The following MKI67 variants were observed in gnomAD, a reference collection of about 807,000 sequenced individuals.
MKI67 encodes proliferation marker protein Ki-67.
A neutral mutation model predicts 233.5 loss-of-function variants in MKI67; 152 were observed. The ratio of observed to expected loss-of-function variants is 0.65; its 90% confidence interval spans 0.57 to 0.74. MKI67 has a LOEUF of 0.74. MKI67 is among the 30% of genes least tolerant of loss of function. MKI67 has a pLI of 0.00. For synonymous variants in MKI67, 1,465 were observed against 1,418.5 expected (o/e 1.03, Z -0.74); for missense variants, 3,940 against 3,885.2 (o/e 1.01, Z -0.37).
Position 128,115,460 on chromosome 10 carries a change from G to C in MKI67, c.948C>G (p.Asn316Lys). Residue 316 changes from asparagine to lysine, a missense_variant, in exon 7 of 15, where the codon AAC becomes AAG. Physicochemically the swap from Asn to Lys is moderately conservative, Grantham distance 94. Transcript: ENST00000368654. ...ACTCCACGTCTCTTCCCTTCCCCTT[G>C]TTCTGGTCAAGCTCTTGTTCAGGTG... ...PASPEQELDQ[N>K]KGKGRDVESV... is the part of the protein sequence containing the mutation. 1.9e-6 allele frequency: 3 copies of C among 1,613,814 alleles called. No homozygotes were observed. The highest frequency in any genetic ancestry group is 2.5e-6 in the Non-Finnish European group (3 of 1,179,932).
intron 13 of MKI67, 63 bp downstream of exon 13, chr10:128,102,516 A>T: frequency 1.3e-6 from 2 of 1,563,746 alleles, no homozygotes; most frequent in Non-Finnish European, 8.7e-7. Flanking sequence ...CATGCAAAGT[A>T]TAACACAGAA....
chr10:128,123,087 T>C lies in MKI67; in HGVS notation c.171+4A>G, dbSNP rs758899335. The stretch of plus-strand genomic sequence containing the variant: ...AAAAGTAGATCTTCAAAAAACCCAC[T>C]CACCTCCTGCTCATGGATTTCAATT... On this transcript the variant is annotated splice_donor_region_variant and intron_variant, in intron 3 of 14. Coordinates refer to ENST00000368654, the MANE Select transcript of MKI67 (RefSeq NM_002417.5). 1 of 1,612,674 alleles carries C rather than the reference T, an allele frequency of 6.2e-7. No homozygotes were observed. The highest frequency in any genetic ancestry group is 8.5e-7 in the Non-Finnish European group (1 of 1,178,826).
At position 128,109,058 on chromosome 10, in the gene MKI67, GTCTT is replaced by G. The variant is rs758314734; in HGVS notation, c.2778_2781del (p.Glu926AspfsTer12). The stretch of plus-strand genomic sequence containing the variant: ...ATATTTTCCTTATATGTCTCAAAAG[GTCTT>G]TCTATTTCCTTCATCTCTCCTTCTC... On this transcript the variant is annotated frameshift_variant, in exon 13 of 15. Transcript: ENST00000368654. LOFTEE classifies it high-confidence loss of function. 6 of 1,613,986 alleles carry G rather than the reference GTCTT, an allele frequency of 3.7e-6. No individual in the cohort carries two copies. The highest frequency in any genetic ancestry group is 1.1e-5 in the South Asian group (1 of 91,090).
In MKI67 at chr10:128,107,844, C is replaced by T; in HGVS notation, c.3996G>A (p.Arg1332=). The T allele has an allele frequency of 1.9e-6, 3 of 1,613,118 alleles. No individual in the cohort carries two copies. The African/African-American group carries it at 4.0e-5, about 22-fold the overall frequency. ...LTENLTGSKR[R]PQTPKEEAQA... ...GGGCCTCTTCCTTAGGAGTTTGTGG[C>T]CGTCTCTTGCTGCCGGTTAAGTTCT... is the stretch of plus-strand genomic sequence containing the variant. The change falls in exon 13 of 15, where the codon CGG becomes CGA. Residue 1332 remains arginine, a synonymous_variant. Coordinates refer to ENST00000368654, the MANE Select transcript of MKI67 (RefSeq NM_002417.5).
At chr10:128,101,855 G>A (rs1312003912) in intron 13 of MKI67, among the ~76,000 whole-genome samples, 154 bp from the exon 14 acceptor site, 1 of 152,196 alleles carries the variant, frequency 6.6e-6, no homozygotes, top group Non-Finnish European at 1.5e-5. Context: ...ATCTAGGATA[G>A]TCAAGGTAAT....
chr10:128,101,111 TAG>T (rs1237104545), intron 14 of MKI67, 145 bp downstream of exon 14: 3 of 727,840 alleles, frequency 4.1e-6, no homozygotes, highest in African/African-American at 1.8e-5. Flanking sequence ...ATTTATGTCT[TAG>T]CATAATGCTC....
chr10:128,105,154 A>T lies in MKI67; in HGVS notation c.6686T>A (p.Val2229Glu). 1.9e-6 allele frequency: 3 copies of T among 1,612,702 alleles called. No homozygotes were observed. Among genetic ancestry groups the T allele is most frequent in the Non-Finnish European group, 2.5e-6 (3 of 1,179,770 alleles). The change falls in exon 13 of 15, where the codon GTG becomes GAG. Residue 2229 changes from valine to glutamate, a missense_variant. Physicochemically the swap from Val to Glu is moderately radical, Grantham distance 121. Transcript: ENST00000368654. ...IACRSPQPDP[V>E]GTPTIFKPQS... ...TGGCTTGAAGATTGTTGGGGTACCC[A>T]CTGGGTCTGGTTGTGGAGATCTGCA...
At position 128,105,704 on chromosome 10, in the gene MKI67, CA is replaced by C. The variant is rs1207665039; in HGVS notation, c.6135del (p.Ala2046GlnfsTer28). The C allele has an allele frequency of 6.2e-7, 1 of 1,614,020 alleles. No individual in the cohort carries two copies. The highest frequency in any genetic ancestry group is 2.2e-5 in the East Asian group (1 of 44,882). ...TTTGCTGGGTCCAGCATCTGCTTTG[CA>C]GATTCCTTAAACGCTTTGATGCTCT... is the stretch of plus-strand genomic sequence containing the variant. ...DGKSIKAFKE[S>X]AKQMLDPANY... On this transcript the variant is annotated frameshift_variant, in exon 13 of 15. Transcript: ENST00000368654. LOFTEE classifies it high-confidence loss of function.
Position 128,103,123 on chromosome 10 carries a change from C to A in MKI67, c.8717G>T (p.Arg2906Ile), listed in dbSNP as rs1210229203. ...EDVIGSRRQP[R>I]APKEKAQPLE... Reference sequence around the variant, plus strand: ...GGGTTGGGCCTTTTCCTTAGGTGCTCTTGGCTGTCTCCTGCTGCCAATTAC... The same window carrying A: ...GGGTTGGGCCTTTTCCTTAGGTGCTATTGGCTGTCTCCTGCTGCCAATTAC... The change falls in exon 13 of 15, where the codon AGA becomes ATA. Residue 2906 changes from arginine (R) to isoleucine (I), a missense_variant. By Grantham distance (97) the Arg-to-Ile change is moderately conservative. Transcript: ENST00000368654. 6.2e-7 allele frequency: 1 copy of A among 1,614,110 alleles called. No homozygotes were observed. The highest frequency in any genetic ancestry group is 8.5e-7 in the Non-Finnish European group (1 of 1,180,048).
At position 128,104,719 on chromosome 10, in the gene MKI67, A is replaced by C. The variant is rs928145948; in HGVS notation, c.7121T>G (p.Leu2374Ter). 1 of 1,613,796 alleles carries C rather than the reference A, an allele frequency of 6.2e-7. No individual in the cohort carries two copies. The highest frequency in any genetic ancestry group is 8.5e-7 in the Non-Finnish European group (1 of 1,180,000). Reference protein sequence around the residue: ...LRKADVEEEFLALRKRTPSAG... With the variant: ...LRKADVEEEF The stretch of plus-strand genomic sequence containing the variant: ...TGATGGTGTTCGTTTCCTGAGTGCT[A>C]AAAATTCTTCCTCTACGTCTGCTTT... The change falls in exon 13 of 15, where the codon TTA (leucine) becomes TGA (stop). Residue 2374 changes from leucine to a stop codon, truncating the protein, a stop_gained. Coordinates refer to ENST00000368654, the MANE Select transcript of MKI67 (RefSeq NM_002417.5). LOFTEE classifies it high-confidence loss of function.
intron 13 of MKI67, 137 bp downstream of exon 13, chr10:128,102,442 T>G: frequency 9.6e-7 from 1 of 1,040,488 alleles, no homozygotes; most frequent in Non-Finnish European, 1.4e-6. Flanking sequence ...TACCATGGCC[T>G]GCAGTTATTC....
Position 128,108,802 on chromosome 10 carries a change from T to C in MKI67, c.3038A>G (p.Glu1013Gly). 6 of 1,614,192 alleles carry C rather than the reference T, an allele frequency of 3.7e-6. No individual in the cohort carries two copies. Among genetic ancestry groups the C allele is most frequent in the Non-Finnish European group, 5.1e-6 (6 of 1,180,038 alleles). Reference protein sequence around the residue: ...TKMPCQSLQPEPINTPTHTKQ... With the variant: ...TKMPCQSLQPGPINTPTHTKQ... ...TGTGTGTGTTGGGGTGTTTATTGGTTCTGGTTGTAATGACTGGCAGGGCAT... is the reference window on the plus strand; with the variant it reads ...TGTGTGTGTTGGGGTGTTTATTGGTCCTGGTTGTAATGACTGGCAGGGCAT... Residue 1013 changes from glutamate to glycine, a missense_variant, in exon 13 of 15, where the codon GAA (glutamate) becomes GGA (glycine). Transcript: ENST00000368654.
intron 5 of MKI67, among the ~76,000 whole-genome samples, chr10:128,117,427 C>T (rs1590315714): frequency 6.6e-6 from 1 of 152,234 alleles, no homozygotes; most frequent in Non-Finnish European, 1.5e-5. Context: ...TGGGAGCAGG[C>T]GCAGCGCCCC....
At position 128,125,096 on chromosome 10, in the gene MKI67, A is replaced by T. The variant is rs1415291837; in HGVS notation, c.92+480T>A. On this transcript the variant is annotated intron_variant, in intron 2 of 14. Coordinates refer to ENST00000368654, the MANE Select transcript of MKI67 (RefSeq NM_002417.5). The surrounding 1 kb of genome is among the most constrained non-coding windows in gnomAD (Gnocchi z 5.3). ...GACAGGGTTATTACCACCACCAAAC[A>T]GGACAGCAATATAAGAGGAAACGTT... Among the ~76,000 whole-genome samples the T allele has an allele frequency of 6.6e-6, 1 of 152,212 alleles. No homozygotes were observed. Among genetic ancestry groups the T allele is most frequent in the African/African-American group, 2.4e-5 (1 of 41,458 alleles).
intron 5 of MKI67, among the ~76,000 whole-genome samples, chr10:128,117,433 G>GC (rs1852831793): frequency 6.6e-6 from 1 of 152,204 alleles, no homozygotes. Flanking sequence ...CAGGCGCAGC[G>GC]CCCCCACCTG....
At chr10:128,114,253 C>T (rs971612923) in intron 7 of MKI67, among the ~76,000 whole-genome samples, 1 of 152,192 alleles carries the variant, frequency 6.6e-6, no homozygotes, top group East Asian at 1.9e-4. Context: ...AATAGCCAGT[C>T]CCTAGGAGTG....
At chr10:128,120,400 G>A (rs1590318231) in intron 4 of MKI67, among the ~76,000 whole-genome samples, 1 of 152,096 alleles carries the variant, frequency 6.6e-6, no homozygotes, top group African/African-American at 2.4e-5. Flanking sequence ...GCTGAGGCAT[G>A]AGAATCACTT....
rs754653467 is a variant in MKI67 at position 128,111,646 on chromosome 10, T to C, written c.2259A>G (p.Ser753=). The C allele has an allele frequency of 1.9e-6, 3 of 1,608,708 alleles. No homozygotes were observed. The highest frequency in any genetic ancestry group is 2.5e-6 in the Non-Finnish European group (3 of 1,177,796). ...NQKMDFKEDL[S]GIAEMFKTPV... ...TAAGATCTAAGACTACGTTTTTACCTGAAAGATCTTCCTTAAAGTCCATTT... is the reference window on the plus strand; with the variant it reads ...TAAGATCTAAGACTACGTTTTTACCCGAAAGATCTTCCTTAAAGTCCATTT... Residue 753 remains serine (S), a splice_region_variant and synonymous_variant, in exon 11 of 15, where the codon TCA becomes TCG. Transcript: ENST00000368654.
At chr10:128,109,735 A>AT (rs1852627185) in intron 12 of MKI67, among the ~76,000 whole-genome samples, 1 of 152,152 alleles carries the variant, frequency 6.6e-6, no homozygotes, top group Non-Finnish European at 1.5e-5. Flanking sequence ...AAATATAGGC[A>AT]TTTTTTCCTT....
Sources: gnomAD v4.1 joint callset for allele counts (sites outside exome capture counted in the v4.1 genomes callset) on GRCh38, gnomAD v4.1.1 for gene constraint, Gnocchi (gnomAD v3.1) non-coding constraint, MANE v1.5 for transcripts, NCBI Gene and HGNC (gene_info 2026-07-23, HGNC 2026-07-21) for gene names.